Variants in GABRA6 observed in about 807,000 individuals in gnomAD.
GABRA6 encodes gamma-aminobutyric acid receptor subunit alpha-6.
A neutral mutation model predicts 47.3 loss-of-function variants in GABRA6; 45 were observed. The ratio of observed to expected loss-of-function variants is 0.95; its 90% CI spans 0.75 to 1.22. The LOEUF is 1.22. Among genes scored for constraint, GABRA6 ranks in the 50% most tolerant of loss-of-function variants. The pLI is 0.00. For synonymous variants in GABRA6, 219 were observed against 194.7 expected (o/e 1.12, Z -1.04); for missense variants, 583 against 549.3 (o/e 1.06, Z -0.61).
At chr5:161,700,475 G>A (rs1754961214) in intron 8 of GABRA6, among the ~76,000 whole-genome samples, 1 of 152,206 alleles carries the variant, frequency 6.6e-6, no homozygotes. Context: ...CCAACGGCAT[G>A]AAAGGAATCT....
rs753242603 is a variant in GABRA6, at chr5:161,686,945, C to G, written c.167C>G (p.Thr56Ser). The change falls in exon 3 of 9, where the codon ACT (threonine) becomes AGT (serine). Residue 56 changes from threonine to serine, a missense_variant. Coordinates refer to ENST00000274545, the MANE Select transcript of GABRA6 (RefSeq NM_000811.3). ...TCTGGGCTAATTTCAGGTGCTGTCA[C>G]TGAAGTCAAAACAGACATTTATGTG... ...RLRPGFGGAV[T>S]EVKTDIYVTS... The G allele has an allele frequency of 6.2e-7, 1 of 1,613,974 alleles. No individual in the cohort carries two copies. The highest frequency in any genetic ancestry group is 8.5e-7 in the Non-Finnish European group (1 of 1,179,878).
chr5:161,690,179 T>C, intron 6 of GABRA6, 22 bp from the exon 7 acceptor site: 1 of 1,610,378 alleles, frequency 6.2e-7, no homozygotes, highest in East Asian at 2.2e-5. Flanking sequence ...GTAATAATAC[T>C]GATGTATGTG....
At chr5:161,690,435 G>C in intron 7 of GABRA6, 82 bp downstream of exon 7, 6 of 1,377,740 alleles carry the variant, frequency 4.4e-6, no homozygotes, top group Non-Finnish European at 6.2e-6. Context: ...ATTTACACTG[G>C]TGCACTTTTT....
At position 161,685,867 on chromosome 5, in the gene GABRA6, G is replaced by C. The variant is rs987763030; in HGVS notation, c.-123G>C. On this transcript the variant is annotated 5_prime_UTR_variant, in exon 1 of 9. Coordinates refer to ENST00000274545, the MANE Select transcript of GABRA6 (RefSeq NM_000811.3). ...TTTATCTATTGGATTACTGACTTGA[G>C]GCAAACAAGGAACAGAGATATGAAG... 1.2e-6 allele frequency: 1 copy of C among 849,420 alleles called. No homozygotes were observed. The highest frequency in any genetic ancestry group is 2.0e-6 in the Non-Finnish European group (1 of 488,218). The allele number at this position is 849,420 out of a possible 1,614,324, so 52.6% of individuals were successfully genotyped here.
chr5:161,687,128 T>C (rs1335231633), intron 3 of GABRA6, 125 bp downstream of exon 3: 1 of 793,462 alleles, frequency 1.3e-6, no homozygotes, highest in African/African-American at 1.7e-5. Flanking sequence ...TTTGTATTCA[T>C]GCTGGGAGGG....
At chr5:161,690,922 A>T (rs1381581349) in intron 7 of GABRA6, among the ~76,000 whole-genome samples, 1 of 152,188 alleles carries the variant, frequency 6.6e-6, no homozygotes, top group African/African-American at 2.4e-5. Flanking sequence ...TAAATTTAGT[A>T]GTCTCTAAGA....
chr5:161,692,291 G>C, intron 8 of GABRA6, 91 bp downstream of exon 8: 2 of 1,480,308 alleles, frequency 1.4e-6, no homozygotes, highest in Non-Finnish European at 1.9e-6. Flanking sequence ...AAAGTAATGT[G>C]AGTTGAGCAC....
intron 3 of GABRA6, chr5:161,687,406 G>T: frequency 4.8e-6 from 2 of 415,422 alleles, no homozygotes; most frequent in Non-Finnish European, 4.7e-6. Context: ...GTCTTTTGTG[G>T]CAACATCATT....
Position 161,692,136 on chromosome 5 carries a change from T to A in GABRA6, c.1022T>A (p.Phe341Tyr). 6.2e-7 allele frequency: 1 copy of A among 1,614,160 alleles called. No homozygotes were observed. The highest frequency in any genetic ancestry group is 2.2e-5 in the East Asian group (1 of 44,884). Residue 341 changes from phenylalanine to tyrosine, a missense_variant, in exon 8 of 9, where the codon TTT becomes TAT. By Grantham distance (22) the Phe-to-Tyr change is conservative (BLOSUM62 3). Coordinates refer to ENST00000274545, the MANE Select transcript of GABRA6 (RefSeq NM_000811.3). ...QTQKAKRKAQ[F>Y]AAPPTVTISK... is the part of the protein sequence containing the mutation. ...CAGAAGGCCAAAAGGAAGGCACAGT[T>A]TGCAGCCCCACCCACAGTGACAATA...
At chr5:161,696,572 C>T (rs560954871) in intron 8 of GABRA6, among the ~76,000 whole-genome samples, 2 of 152,180 alleles carry the variant, frequency 1.3e-5, no homozygotes, top group South Asian at 2.1e-4. Flanking sequence ...TTAGCCCCTT[C>T]CCCATACCTT....
Position 161,687,015 on chromosome 5 carries a change from CTAAG to C in GABRA6, c.225+14_225+17del. 6.2e-7 allele frequency: 1 copy of C among 1,612,466 alleles called. No homozygotes were observed. Among genetic ancestry groups the C allele is most frequent in the Non-Finnish European group, 8.5e-7 (1 of 1,178,540 alleles). On this transcript the variant is annotated intron_variant, in intron 3 of 8. Transcript: ENST00000274545. Reference sequence around the variant, plus strand: ...CAGATGTGGAGATGGTGAGTAAGTTCTAAGTGAGTTGGGTGTTTTCATTTCGGGG... The same window carrying C: ...CAGATGTGGAGATGGTGAGTAAGTTCTGAGTTGGGTGTTTTCATTTCGGGG...
chr5:161,699,826 T>A (rs1470080802), intron 8 of GABRA6, among the ~76,000 whole-genome samples: 1 of 152,198 alleles, frequency 6.6e-6, no homozygotes, highest in African/African-American at 2.4e-5. Flanking sequence ...CCTTCTAATA[T>A]CTTAAACTCT....
intron 8 of GABRA6, among the ~76,000 whole-genome samples, chr5:161,694,666 T>G (rs2113079777): frequency 6.6e-6 from 1 of 152,274 alleles, no homozygotes; most frequent in African/African-American, 2.4e-5. Flanking sequence ...AGGTAGCATT[T>G]ATTTTTTCTT....
chr5:161,686,647 C>A (rs1483736791), intron 2 of GABRA6, among the ~76,000 whole-genome samples: 1 of 152,164 alleles, frequency 6.6e-6, no homozygotes, highest in South Asian at 2.1e-4. Context: ...TTTATTAGCA[C>A]TTTCCCATTA....
Position 161,692,119 on chromosome 5 carries a change from C to G in GABRA6, c.1005C>G (p.Ala335=), listed in dbSNP as rs13184586. The G allele has an allele frequency of 0.54, 864,917 of 1,613,736 alleles. 236,907 individuals are homozygous for G. Among genetic ancestry groups the G allele is most frequent in the Non-Finnish European group, 0.57 (674,473 of 1,179,820 alleles). ...TTACCAATCTTCAGACACAGAAGGC[C>G]AAAAGGAAGGCACAGTTTGCAGCCC... ...NYFTNLQTQK[A]KRKAQFAAPP... is the part of the protein sequence containing the mutation. The change falls in exon 8 of 9, where the codon GCC becomes GCG. Residue 335 remains alanine (A), a synonymous_variant. Coordinates refer to ENST00000274545, the MANE Select transcript of GABRA6 (RefSeq NM_000811.3).
At chr5:161,687,353 A>G (rs911797913) in intron 3 of GABRA6, 8 of 379,114 alleles carry the variant, frequency 2.1e-5, no homozygotes, top group Admixed American at 1.1e-4. Flanking sequence ...CTTATTCCAT[A>G]TAAAAGTTTA....
intron 8 of GABRA6, among the ~76,000 whole-genome samples, chr5:161,694,883 G>A (rs947520126): frequency 2.6e-5 from 4 of 151,996 alleles, no homozygotes; most frequent in Admixed American, 2.6e-4. Flanking sequence ...GTCAAACCTT[G>A]GCAAGTTGTC....
In GABRA6 at chr5:161,690,028, G is replaced by A; in HGVS notation, c.674-173G>A. 14 of 696,096 alleles carry A rather than the reference G, an allele frequency of 2.0e-5. No homozygotes were observed. In the South Asian group the frequency reaches 2.4e-4, roughly 12 times the overall value. 43.1% of individuals were successfully genotyped at this position (696,096 alleles called of 1,614,324 possible). On this transcript the variant is annotated intron_variant, in intron 6 of 8. Transcript: ENST00000274545. ...CCTACTGAAAACAATAAGTTGATGT[G>A]TCTCTTCGCTCTATCATCTGCTGAT...
At chr5:161,687,595 A>T (rs1224766111) in intron 3 of GABRA6, 1 of 452,222 alleles carries the variant, frequency 2.2e-6, no homozygotes, top group Non-Finnish European at 4.4e-6. Flanking sequence ...CTCATCTTTT[A>T]GAACAAAGTG....
Sources: gnomAD v4.1 joint callset for allele counts (sites outside exome capture counted in the v4.1 genomes callset) on GRCh38, gnomAD v4.1.1 for gene constraint, MANE v1.5 for transcripts, NCBI Gene and HGNC (gene_info 2026-07-23, HGNC 2026-07-21) for gene names.